Variants in PITPNC1 observed in about 807,000 individuals in gnomAD.
PITPNC1 encodes the protein phosphatidylinositol transfer protein cytoplasmic 1.
A neutral mutation model predicts 44.7 loss-of-function variants in PITPNC1; 18 were observed. The ratio of observed to expected loss-of-function variants is 0.40; its 90% CI spans 0.28 to 0.60. PITPNC1 has a LOEUF of 0.60. Ranked by LOEUF, PITPNC1 falls within the 20% of genes least tolerant of loss-of-function variation. The pLI is 0.39. For synonymous variants in PITPNC1, 141 were observed against 149.6 expected, an observed-to-expected ratio of 0.94 and a Z score of 0.42; for missense variants, 290 against 418.4, an observed-to-expected ratio of 0.69 and a Z score of 2.68.
intron 1 of PITPNC1, among the ~76,000 whole-genome samples, chr17:67,436,704 G>C (rs1290044742): frequency 6.6e-6 from 1 of 152,058 alleles, no homozygotes; most frequent in Non-Finnish European, 1.5e-5. Flanking sequence ...AGGGATAAAA[G>C]TCCTGAGACC....
chr17:67,612,902 T>G (rs72848186), intron 5 of PITPNC1: 17,229 of 151,878 alleles, frequency 0.11, 1,133 homozygotes, highest in Non-Finnish European at 0.15. Flanking sequence ...GAGAAAGAAA[T>G]AAGAGTGTAA....
At chr17:67,501,769 G>T (rs557528515) in intron 1 of PITPNC1, among the ~76,000 whole-genome samples, 3 of 152,144 alleles carry the variant, frequency 2.0e-5, no homozygotes, top group East Asian at 3.9e-4. Context: ...GGAGGTGGAG[G>T]TTGCAGTGAG....
At chr17:67,518,724 G>A (rs1163890969) in intron 1 of PITPNC1, among the ~76,000 whole-genome samples, 1 of 152,208 alleles carries the variant, frequency 6.6e-6, no homozygotes, top group East Asian at 1.9e-4. Flanking sequence ...ACTTTGGGAG[G>A]CTGAGGCAGG....
chr17:67,408,014 G>A (rs1337924386), intron 1 of PITPNC1, among the ~76,000 whole-genome samples: 3 of 151,746 alleles, frequency 2.0e-5, no homozygotes, highest in African/African-American at 7.3e-5. Context: ...GGAGTGCAGT[G>A]GGGCAATCTC....
At chr17:67,546,364 T>C (rs2040683868) in intron 2 of PITPNC1, among the ~76,000 whole-genome samples, 1 of 152,066 alleles carries the variant, frequency 6.6e-6, no homozygotes, top group African/African-American at 2.4e-5. Flanking sequence ...CATGGGGTGC[T>C]TCCTTCCAAC....
intron 5 of PITPNC1, among the ~76,000 whole-genome samples, chr17:67,619,854 C>T (rs900137455): frequency 7.2e-5 from 11 of 152,138 alleles, no homozygotes; most frequent in African/African-American, 2.7e-4. Context: ...CACTCTTAGC[C>T]TCAGAGGAGT....
intron 4 of PITPNC1, among the ~76,000 whole-genome samples, chr17:67,570,618 CTT>C (rs1016135218): frequency 1.3e-5 from 2 of 152,182 alleles, no homozygotes; most frequent in African/African-American, 4.8e-5. Flanking sequence ...TTCGTTATCT[CTT>C]TTCATTCTCA....
intron 5 of PITPNC1, among the ~76,000 whole-genome samples, chr17:67,599,034 A>ATATATATATATATATATATATTT (rs1461493250): frequency 5.6e-5 from 2 of 35,676 alleles, no homozygotes; most frequent in African/African-American, 1.1e-4. Context: ...ATATATATAT[A>ATATATATATATATATATATATTT]TTTTTTTTTT....
intron 1 of PITPNC1, among the ~76,000 whole-genome samples, chr17:67,386,252 C>G (rs1423026788): frequency 4.6e-5 from 7 of 152,172 alleles, no homozygotes; most frequent in African/African-American, 1.7e-4. Flanking sequence ...AGTGCAGTGG[C>G]GCTATCGCGG....
intron 6 of PITPNC1, among the ~76,000 whole-genome samples, chr17:67,641,583 G>A (rs1042385547): frequency 6.6e-6 from 1 of 151,992 alleles, no homozygotes; most frequent in African/African-American, 2.4e-5. Flanking sequence ...GATCGCTTAA[G>A]GTCAGAAGTT....
At chr17:67,651,575 T>C (rs138000198) in intron 6 of PITPNC1, among the ~76,000 whole-genome samples, 134 of 152,248 alleles carry the variant, frequency 8.8e-4, no homozygotes, top group African/African-American at 3.1e-3. Context: ...AATTCAGCCA[T>C]TTTGAATGTA....
chr17:67,458,265 C>A (rs539149570), intron 1 of PITPNC1, among the ~76,000 whole-genome samples: 1 of 152,186 alleles, frequency 6.6e-6, no homozygotes, highest in Non-Finnish European at 1.5e-5. Context: ...TCTTGGAGGA[C>A]CCAAACTAAC....
rs60303181 is a variant in PITPNC1, at chr17:67,425,197, G to GCACACACACACACA, written c.48+47000_48+47001insACACACACACACAC. Among the ~76,000 whole-genome samples, 11 of 98,466 alleles carry GCACACACACACACA rather than the reference G, an allele frequency of 1.1e-4. 2 individuals carry two copies. The highest frequency in any genetic ancestry group is 4.8e-4 in the South Asian group (1 of 2,086). The allele number at this position is 98,466 out of a possible 152,430, so 64.6% of individuals were successfully genotyped here. A position where few individuals can be genotyped will look rare whatever the true frequency, so the allele number is the denominator to read the frequency against. Reference sequence around the variant, plus strand: ...AAACAGCCATGTTGTGCGCGCGCACGCACACGCACACACACACACACACAC... The same window carrying GCACACACACACACA: ...AAACAGCCATGTTGTGCGCGCGCACGCACACACACACACACACACGCACACACACACACACACAC... On this transcript the variant is annotated intron_variant, in intron 1 of 8. Transcript: ENST00000581322.
chr17:67,437,310 G>A (rs1438010138), intron 1 of PITPNC1, among the ~76,000 whole-genome samples: 7 of 152,014 alleles, frequency 4.6e-5, no homozygotes, highest in Admixed American at 1.3e-4. Flanking sequence ...AATGACTGAT[G>A]TCCTTATAGG....
chr17:67,459,040 C>T (rs1423809918), intron 1 of PITPNC1, among the ~76,000 whole-genome samples: 2 of 151,462 alleles, frequency 1.3e-5, no homozygotes, highest in Admixed American at 1.3e-4. Context: ...ATTTTTCCCC[C>T]TAGTCTTTCT....
intron 1 of PITPNC1, among the ~76,000 whole-genome samples, chr17:67,382,776 CA>C: frequency 2.0e-5 from 3 of 151,936 alleles, no homozygotes; most frequent in East Asian, 1.9e-4. Flanking sequence ...AGGCGCCCAC[CA>C]TCACGCCAGG....
intron 4 of PITPNC1, among the ~76,000 whole-genome samples, chr17:67,573,389 G>A (rs531629447): frequency 4.5e-4 from 69 of 151,994 alleles, no homozygotes; most frequent in Middle Eastern, 3.4e-3. Context: ...AGTGGAGGAG[G>A]GAGGAAAGGG....
At chr17:67,429,342 T>G (rs534877108) in intron 1 of PITPNC1, among the ~76,000 whole-genome samples, 1 of 152,316 alleles carries the variant, frequency 6.6e-6, no homozygotes, top group Admixed American at 6.5e-5. Context: ...TCAGTAAAAT[T>G]TAAAAGAAAT....
chr17:67,678,217 TTAA>T (rs2042639059), intron 8 of PITPNC1, among the ~76,000 whole-genome samples: 1 of 15,308 alleles, frequency 6.5e-5, no homozygotes. Context: ...CCTCGTCTCT[TTAA>T]AAAAAAAAAA....
Sources: gnomAD v4.1 joint callset for allele counts (sites outside exome capture counted in the v4.1 genomes callset) on GRCh38, gnomAD v4.1.1 for gene constraint, MANE v1.5 for transcripts, NCBI Gene and HGNC (gene_info 2026-07-23, HGNC 2026-07-21) for gene names.